Variants in GALNTL6 observed in about 807,000 individuals in gnomAD.
GALNTL6 encodes the protein polypeptide N-acetylgalactosaminyltransferase like 6.
In GALNTL6, 46 loss-of-function variants were observed where a neutral mutation model predicts 73.7. The observed-to-expected ratio is 0.62, with a 90% confidence interval of 0.49 to 0.80. The LOEUF (loss-of-function observed/expected upper bound fraction) is 0.80. Among genes scored for constraint, GALNTL6 ranks in the 30% least tolerant of loss-of-function variants. The pLI is 0.00. For synonymous variants in GALNTL6, 259 were observed against 263.7 expected (o/e 0.98, Z 0.17); for missense variants, 604 against 755.0 (o/e 0.80, Z 2.34).
intron 2 of GALNTL6, among the ~76,000 whole-genome samples, chr4:172,029,530 T>A (rs1741701965): frequency 6.6e-6 from 1 of 152,038 alleles, no homozygotes; most frequent in Non-Finnish European, 1.5e-5. Context: ...CCAGATAGTG[T>A]GTGATTAGGG....
intron 5 of GALNTL6, among the ~76,000 whole-genome samples, chr4:172,486,141 T>G (rs941405765): frequency 1.3e-5 from 2 of 152,190 alleles, no homozygotes; most frequent in African/African-American, 4.8e-5. Flanking sequence ...ATTTTAATTT[T>G]TTATTCTGTG....
At chr4:172,774,006 G>A (rs1378901240) in intron 5 of GALNTL6, among the ~76,000 whole-genome samples, 1 of 152,122 alleles carries the variant, frequency 6.6e-6, no homozygotes, top group Non-Finnish European at 1.5e-5. Context: ...GAACACTTTA[G>A]TTAATTCCTT....
chr4:172,075,577 T>C (rs780688019), intron 2 of GALNTL6, among the ~76,000 whole-genome samples: 4 of 152,106 alleles, frequency 2.6e-5, no homozygotes, highest in Admixed American at 6.5e-5. Flanking sequence ...CCTCGCGATC[T>C]GCCCGCCTCG....
intron 5 of GALNTL6, among the ~76,000 whole-genome samples, chr4:172,677,521 T>C (rs1181068996): frequency 6.6e-6 from 1 of 152,132 alleles, no homozygotes; most frequent in East Asian, 1.9e-4. Context: ...CAGACGATGG[T>C]TCTAGTCTTA....
Position 172,960,881 on chromosome 4 carries a change from G to A in GALNTL6, c.1371+8623G>A, listed in dbSNP as rs187460378. 9.2e-5 allele frequency among the ~76,000 whole-genome samples: 14 copies of A among 152,174 alleles called. No homozygotes were observed. In the East Asian group the frequency reaches 2.7e-3, roughly 29 times the overall value. ...GAAGAAGGAGGAATGGAGGGTGGAA[G>A]GCTGCCCATAGTGAAGGAGGCAAGC... On this transcript the variant is annotated intron_variant, in intron 10 of 12. Transcript: ENST00000506823.
chr4:172,150,725 G>T (rs1734061004), intron 2 of GALNTL6, among the ~76,000 whole-genome samples: 1 of 152,078 alleles, frequency 6.6e-6, no homozygotes, highest in Non-Finnish European at 1.5e-5. Context: ...AGGGAGAAGA[G>T]GATCAGTGGA....
intron 8 of GALNTL6, among the ~76,000 whole-genome samples, chr4:172,894,896 A>G (rs1260690492): frequency 6.8e-6 from 1 of 148,004 alleles, no homozygotes; most frequent in Non-Finnish European, 1.5e-5. Flanking sequence ...TATAATTGTT[A>G]TATCCTCTTG....
chr4:172,865,025 A>G (rs912198073), intron 7 of GALNTL6, among the ~76,000 whole-genome samples: 11 of 152,060 alleles, frequency 7.2e-5, no homozygotes, highest in African/African-American at 1.4e-4. Context: ...ATCTTCCTAG[A>G]AAAAAAAGAA....
chr4:172,034,603 A>G (rs1741879333), intron 2 of GALNTL6, among the ~76,000 whole-genome samples: 1 of 152,172 alleles, frequency 6.6e-6, no homozygotes, highest in South Asian at 2.1e-4. Flanking sequence ...AAGTAATATG[A>G]GTACACAAAC....
At chr4:172,869,774 C>G (rs1376003054) in intron 7 of GALNTL6, among the ~76,000 whole-genome samples, 1 of 152,206 alleles carries the variant, frequency 6.6e-6, no homozygotes, top group Non-Finnish European at 1.5e-5. Flanking sequence ...TCCTCCACCT[C>G]ATTCTCTCTA....
chr4:172,892,134 A>G (rs950220872), intron 8 of GALNTL6, among the ~76,000 whole-genome samples: 3 of 152,144 alleles, frequency 2.0e-5, no homozygotes, highest in Non-Finnish European at 4.4e-5. Context: ...CCTGAATTCT[A>G]TGTCTGTTAT....
chr4:172,367,949 T>C (rs1315366542), intron 5 of GALNTL6, among the ~76,000 whole-genome samples: 1 of 152,212 alleles, frequency 6.6e-6, no homozygotes, highest in East Asian at 1.9e-4. Context: ...ATGATAAATA[T>C]TAGTTTTTTA....
At chr4:172,762,798 AAAAC>A (rs1373919593) in intron 5 of GALNTL6, among the ~76,000 whole-genome samples, 3 of 145,286 alleles carry the variant, frequency 2.1e-5, no homozygotes, top group Non-Finnish European at 4.5e-5. Flanking sequence ...AAAAAAAAAA[AAAAC>A]CCAGTGAAAG....
intron 2 of GALNTL6, among the ~76,000 whole-genome samples, chr4:172,093,284 CT>C (rs1244014508): frequency 6.6e-6 from 1 of 152,068 alleles, no homozygotes; most frequent in Non-Finnish European, 1.5e-5. Context: ...TTTTTTAATT[CT>C]TTTTCCCCCT....
chr4:172,156,126 G>C (rs150063946), intron 2 of GALNTL6, among the ~76,000 whole-genome samples: 4 of 152,046 alleles, frequency 2.6e-5, no homozygotes, highest in African/African-American at 9.7e-5. Context: ...AGTGAGGACG[G>C]GGCAGGGGTT....
chr4:172,292,959 T>C (rs990860061), intron 3 of GALNTL6, among the ~76,000 whole-genome samples: 41 of 152,318 alleles, frequency 2.7e-4, no homozygotes, highest in African/African-American at 9.6e-4. Flanking sequence ...ATTCCATTTC[T>C]ATCGAAATGA....
chr4:172,893,344 GC>G (rs144015755), intron 8 of GALNTL6, among the ~76,000 whole-genome samples: 6,871 of 116,546 alleles, frequency 0.059, 494 homozygotes, highest in African/African-American at 0.15. Context: ...TCTGAGAGTG[GC>G]GGGGGGGGGG....
chr4:172,692,908 T>C (rs1163291378), intron 5 of GALNTL6, among the ~76,000 whole-genome samples: 1 of 152,202 alleles, frequency 6.6e-6, no homozygotes, highest in Non-Finnish European at 1.5e-5. Context: ...TGAGTCATGG[T>C]GATGACCCAG....
At chr4:172,357,710 C>T (rs925639691) in intron 5 of GALNTL6, among the ~76,000 whole-genome samples, 2 of 150,780 alleles carry the variant, frequency 1.3e-5, no homozygotes, top group African/African-American at 4.9e-5. Context: ...TTGTGGCCAT[C>T]TCACAACACA....
Sources: allele counts gnomAD v4.1 joint callset (sites outside exome capture counted in the v4.1 genomes callset), GRCh38; gene constraint gnomAD v4.1.1; transcripts MANE v1.5; gene names NCBI Gene and HGNC (gene_info 2026-07-23, HGNC 2026-07-21).